The following MCM8 variants were observed in gnomAD, a reference collection of about 807,000 sequenced individuals.
The protein encoded by MCM8 is DNA helicase MCM8.
A neutral mutation model predicts 98.9 loss-of-function variants in MCM8; 85 were observed. The ratio of observed to expected loss-of-function variants is 0.86; its 90% CI spans 0.72 to 1.03. The LOEUF (loss-of-function observed/expected upper bound fraction) is 1.03. Ranked by LOEUF, MCM8 falls within the 50% of genes least tolerant of loss-of-function variation. The pLI, the probability that MCM8 is intolerant of heterozygous loss-of-function variation, is 0.00. For synonymous variants in MCM8, 352 were observed against 338.6 expected, an observed-to-expected ratio of 1.04 and a Z score of -0.44; for missense variants, 951 against 997.8, an observed-to-expected ratio of 0.95 and a Z score of 0.63.
intron 3 of MCM8, among the ~76,000 whole-genome samples, chr20:5,954,284 T>TATA (rs2088912896): frequency 6.6e-6 from 1 of 152,230 alleles, no homozygotes; most frequent in South Asian, 2.1e-4. Context: ...GCTTTGGCTT[T>TATA]ATTATAATTT....
chr20:5,952,341 A>T, intron 2 of MCM8, 83 bp from the exon 3 acceptor site: 1 of 1,563,568 alleles, frequency 6.4e-7, no homozygotes, highest in Non-Finnish European at 8.8e-7. Flanking sequence ...ATACTCTATT[A>T]ATGAGAGTCT....
intron 6 of MCM8, 106 bp downstream of exon 6, chr20:5,957,335 A>G (rs2089013316): frequency 1.4e-6 from 1 of 708,622 alleles, no homozygotes; most frequent in Non-Finnish European, 2.3e-6. Flanking sequence ...TAAAAAGGAC[A>G]TGAGTTCCTT....
intron 6 of MCM8, among the ~76,000 whole-genome samples, 181 bp from the exon 7 acceptor site, chr20:5,958,347 A>T (rs113380228): frequency 6.6e-6 from 1 of 152,220 alleles, no homozygotes; most frequent in African/African-American, 2.4e-5. Flanking sequence ...CCAGCCTGGC[A>T]ACAGAGCGAG....
At chr20:5,980,975 A>T (rs565045477) in intron 13 of MCM8, among the ~76,000 whole-genome samples, 1 of 152,118 alleles carries the variant, frequency 6.6e-6, no homozygotes, top group Admixed American at 6.6e-5. Context: ...AGTGTGTTTT[A>T]GTACAGTCCA....
At chr20:5,974,824 C>T (rs544700606) in intron 12 of MCM8, among the ~76,000 whole-genome samples, 1 of 152,236 alleles carries the variant, frequency 6.6e-6, no homozygotes, top group Admixed American at 6.5e-5. Context: ...TATTATAATT[C>T]CATAGATATT....
chr20:5,985,809 G>C, intron 15 of MCM8, 113 bp from the exon 16 acceptor site: 1 of 1,024,418 alleles, frequency 9.8e-7, no homozygotes, highest in Non-Finnish European at 1.5e-6. Context: ...GCCTCCCAAA[G>C]CGCAGGGATT....
chr20:5,988,226 C>T (rs911095607), intron 17 of MCM8, among the ~76,000 whole-genome samples: 4 of 151,812 alleles, frequency 2.6e-5, no homozygotes, highest in African/African-American at 7.3e-5. Flanking sequence ...TTTGGGAGGC[C>T]GAGGCAAGTG....
At chr20:5,980,067 C>A (rs1354561827) in intron 13 of MCM8, among the ~76,000 whole-genome samples, 1 of 152,118 alleles carries the variant, frequency 6.6e-6, no homozygotes, top group Non-Finnish European at 1.5e-5. Context: ...ATGTTCTTAC[C>A]CCAGATAGAG....
intron 8 of MCM8, chr20:5,964,406 C>A (rs2089229684): frequency 6.6e-6 from 1 of 152,124 alleles, no homozygotes; most frequent in African/African-American, 2.4e-5. Flanking sequence ...ATAGTGAGAT[C>A]TTTACAAACA....
intron 14 of MCM8, 117 bp from the exon 15 acceptor site, chr20:5,984,663 TA>T: frequency 1.4e-6 from 1 of 737,608 alleles, no homozygotes; most frequent in Non-Finnish European, 2.2e-6. Flanking sequence ...TTCTTTAACC[TA>T]AATCTTGGTT....
intron 12 of MCM8, among the ~76,000 whole-genome samples, chr20:5,974,188 A>G (rs543991217): frequency 6.6e-6 from 1 of 152,304 alleles, no homozygotes; most frequent in East Asian, 1.9e-4. Context: ...ACTGAAGTAC[A>G]GTGGCGCAAC....
chr20:5,953,715 C>A (rs529082511), intron 3 of MCM8, among the ~76,000 whole-genome samples: 1 of 151,852 alleles, frequency 6.6e-6, no homozygotes, highest in African/African-American at 2.4e-5. Context: ...CCTCGTTATC[C>A]GCCCGCCTCG....
At chr20:5,952,608 G>A in intron 3 of MCM8, 80 bp downstream of exon 3, 1 of 1,146,648 alleles carries the variant, frequency 8.7e-7, no homozygotes, top group South Asian at 1.3e-5. Flanking sequence ...TTGTATTACT[G>A]TAATTCATTT....
intron 18 of MCM8, chr20:5,993,925 C>T: frequency 2.4e-6 from 1 of 408,708 alleles, no homozygotes. Flanking sequence ...CATCCCTCAT[C>T]TGTTAAATGG....
intron 10 of MCM8, among the ~76,000 whole-genome samples, chr20:5,969,871 G>A (rs1222449750): frequency 2.0e-5 from 3 of 152,112 alleles, no homozygotes; most frequent in African/African-American, 4.8e-5. Context: ...CAACCTGGTC[G>A]ACAATCCAAA....
chr20:5,958,590 ACATT>A lies in MCM8; in HGVS notation c.654_657del (p.Tyr218Ter). On this transcript the variant is annotated frameshift_variant, in exon 7 of 19. Coordinates refer to ENST00000610722, the MANE Select transcript of MCM8 (RefSeq NM_032485.6). LOFTEE classifies it high-confidence loss of function. Reference sequence around the variant, plus strand: ...GTCAGAGCAAATTACTATGGAAAATACATTGCTCTAAGAGGGACAGTGGTTCGTG... The same window carrying A: ...GTCAGAGCAAATTACTATGGAAAATAGCTCTAAGAGGGACAGTGGTTCGTG... 1 of 1,614,184 alleles carries A rather than the reference ACATT, an allele frequency of 6.2e-7. No homozygotes were observed. Among genetic ancestry groups the A allele is most frequent in the Non-Finnish European group, 8.5e-7 (1 of 1,180,024 alleles).
Position 5,971,991 on chromosome 20 carries a change from GTGTT to G in MCM8, c.1224-15_1224-12del. The G allele has an allele frequency of 7.5e-6, 12 of 1,608,846 alleles. No individual in the cohort carries two copies. Among genetic ancestry groups the G allele is most frequent in the Non-Finnish European group, 1.0e-5 (12 of 1,176,642 alleles). On this transcript the variant is annotated splice_polypyrimidine_tract_variant and intron_variant, in intron 10 of 18. Coordinates refer to ENST00000610722, the MANE Select transcript of MCM8 (RefSeq NM_032485.6). ...AAGTATAAATTAGAATTTATAAGTT[GTGTT>G]CTGTTTTTCAGCTCGCTTTGCCCTG...
At chr20:5,975,080 G>A (rs895313798) in intron 12 of MCM8, among the ~76,000 whole-genome samples, 7 of 152,122 alleles carry the variant, frequency 4.6e-5, no homozygotes, top group Non-Finnish European at 1.0e-4. Context: ...GCAACAAAGT[G>A]AGACCCTATC....
intron 12 of MCM8, among the ~76,000 whole-genome samples, chr20:5,974,948 A>G (rs1228293394): frequency 6.6e-6 from 1 of 152,228 alleles, no homozygotes; most frequent in African/African-American, 2.4e-5. Flanking sequence ...TACCCCTTAC[A>G]GGTGAAACAA....
Sources: allele counts gnomAD v4.1 joint callset (sites outside exome capture counted in the v4.1 genomes callset), GRCh38; gene constraint gnomAD v4.1.1; transcripts MANE v1.5; gene names NCBI Gene and HGNC (gene_info 2026-07-23, HGNC 2026-07-21).